The following SHANK2 variants were observed in gnomAD, a reference collection of about 807,000 sequenced individuals.
SHANK2 encodes SH3 and multiple ankyrin repeat domains protein 2.
SHANK2 carries 43 observed loss-of-function variants against 133.7 expected under a neutral mutation model. The ratio of observed to expected loss-of-function variants is 0.32; its 90% CI spans 0.25 to 0.41. The LOEUF (loss-of-function observed/expected upper bound fraction) is 0.41. SHANK2 is among the 10% of genes least tolerant of loss of function. The pLI, the probability that SHANK2 is intolerant of heterozygous loss-of-function variation, is 1.00. For missense variants in SHANK2, 1,994 were observed against 2,235.8 expected, an observed-to-expected ratio of 0.89 and a Z score of 2.18; for synonymous variants, 1,017 against 952.8, an observed-to-expected ratio of 1.07 and a Z score of -1.24.
At chr11:70,489,413 GT>G in intron 23 of SHANK2, 65 bp from the exon 24 acceptor site, 1 of 1,540,184 alleles carries the variant, frequency 6.5e-7, no homozygotes, top group East Asian at 2.2e-5. Context: ...CTTTCCCTGA[GT>G]TTGCTGGTGC....
chr11:71,118,793 A>G, intron 4 of SHANK2, 36 bp downstream of exon 4: 1 of 1,483,058 alleles, frequency 6.7e-7, no homozygotes, highest in South Asian at 1.4e-5. Flanking sequence ...AGGCTGTGAC[A>G]CAACCACAGT....
intron 17 of SHANK2, among the ~76,000 whole-genome samples, chr11:70,567,145 G>A (rs782263752): frequency 2.6e-5 from 4 of 152,306 alleles, no homozygotes; most frequent in Middle Eastern, 3.4e-3. Context: ...ATGGAGAGGT[G>A]TCTGCAGAGC....
At chr11:70,890,470 C>G (rs1353892059) in intron 11 of SHANK2, among the ~76,000 whole-genome samples, 1 of 147,134 alleles carries the variant, frequency 6.8e-6, no homozygotes, top group East Asian at 2.0e-4. Flanking sequence ...GAAACCCTGT[C>G]TCTACTAAAA....
intron 15 of SHANK2, chr11:70,667,773 G>C (rs1037574769): frequency 6.6e-6 from 1 of 152,230 alleles, no homozygotes; most frequent in African/African-American, 2.4e-5. Flanking sequence ...GGGGCTCTGG[G>C]TGGCTCTGTG....
At chr11:71,117,533 C>T (rs1952001191) in intron 4 of SHANK2, among the ~76,000 whole-genome samples, 1 of 152,192 alleles carries the variant, frequency 6.6e-6, no homozygotes, top group African/African-American at 2.4e-5. Context: ...CAGACTATGA[C>T]TCGAGGGTCA....
At chr11:70,846,124 C>A (rs1336769135) in intron 11 of SHANK2, among the ~76,000 whole-genome samples, 1 of 152,088 alleles carries the variant, frequency 6.6e-6, no homozygotes, top group African/African-American at 2.4e-5. Context: ...TGGGACAGCA[C>A]CCCCAGGCAA....
Position 70,613,053 on chromosome 11 carries a change from G to A in SHANK2, c.2061+46775C>T, listed in dbSNP as rs1333464054. 2.0e-5 allele frequency among the ~76,000 whole-genome samples: 3 copies of A among 152,290 alleles called. No individual in the cohort carries two copies. The East Asian group carries it at 5.8e-4, about 29-fold the overall frequency. On this transcript the variant is annotated intron_variant, in intron 17 of 25. Coordinates refer to ENST00000601538, the MANE Select transcript of SHANK2 (RefSeq NM_012309.5). The stretch of plus-strand genomic sequence containing the variant: ...AGAGGTGCTTGGAAACTTCTCGTGT[G>A]TGTCTCCTGGCCCACGTGGGAGAAT...
intron 16 of SHANK2, 114 bp downstream of exon 16, chr11:70,661,482 G>GT: frequency 9.1e-7 from 1 of 1,102,370 alleles, no homozygotes; most frequent in Non-Finnish European, 1.3e-6. Context: ...GCTGGGGAAC[G>GT]TTTTTCATGC....
At chr11:71,152,277 G>A (rs558551516) in intron 2 of SHANK2, among the ~76,000 whole-genome samples, 15 of 152,108 alleles carry the variant, frequency 9.9e-5, no homozygotes, top group African/African-American at 2.7e-4. Context: ...CATGCCTTGC[G>A]AATTTTTTGT....
At chr11:70,608,349 T>G (rs996494066) in intron 17 of SHANK2, among the ~76,000 whole-genome samples, 4 of 152,140 alleles carry the variant, frequency 2.6e-5, no homozygotes, top group South Asian at 2.1e-4. Context: ...AGGAGCTCCC[T>G]AGTTGAACAC....
intron 3 of SHANK2, among the ~76,000 whole-genome samples, chr11:71,127,220 G>T (rs1555102850): frequency 6.6e-6 from 1 of 152,180 alleles, no homozygotes; most frequent in Non-Finnish European, 1.5e-5. Flanking sequence ...TGGATGAGGA[G>T]TTGCCTCTTT....
chr11:70,672,126 C>G (rs992639639), intron 15 of SHANK2, among the ~76,000 whole-genome samples: 2 of 147,362 alleles, frequency 1.4e-5, no homozygotes, highest in Non-Finnish European at 3.0e-5. Context: ...TGCAGTGGCG[C>G]GATCTTGGCT....
intron 11 of SHANK2, among the ~76,000 whole-genome samples, chr11:70,844,257 T>C (rs898551961): frequency 7.2e-5 from 11 of 152,188 alleles, no homozygotes; most frequent in Non-Finnish European, 1.6e-4. Flanking sequence ...GAATGCCCCA[T>C]TTTCCTAATT....
intron 10 of SHANK2, among the ~76,000 whole-genome samples, chr11:70,939,100 T>C (rs1209382561): frequency 6.6e-6 from 1 of 152,146 alleles, no homozygotes; most frequent in African/African-American, 2.4e-5. Flanking sequence ...CCGGGGTGAC[T>C]TTCTTTCTCA....
rs1555158077 is a variant in SHANK2 at position 70,500,247 on chromosome 11, G to T, written c.2308+323C>A. ...CCTGAGGGTCAGGAATGCAGCCAGA[G>T]GCTCTGCTCATCTGCAACCCCCCAT... On this transcript the variant is annotated intron_variant, in intron 21 of 25. Transcript: ENST00000601538. The surrounding 1 kb of genome is among the most constrained non-coding windows in gnomAD (Gnocchi z 4.5). Among the ~76,000 whole-genome samples, 1 of 152,132 alleles carries T rather than the reference G, an allele frequency of 6.6e-6. No homozygotes were observed. Among genetic ancestry groups the T allele is most frequent in the Non-Finnish European group, 1.5e-5 (1 of 68,024 alleles).
At chr11:70,523,642 AC>A in intron 17 of SHANK2, among the ~76,000 whole-genome samples, 1 of 152,038 alleles carries the variant, frequency 6.6e-6, no homozygotes, top group South Asian at 2.1e-4. Context: ...CTTCCCATGT[AC>A]CCTGTGCAGC....
Position 70,954,838 on chromosome 11 carries a change from G to A in SHANK2, c.1108-58271C>T, listed in dbSNP as rs549279518. On this transcript the variant is annotated intron_variant, in intron 10 of 25. Coordinates refer to ENST00000601538, the MANE Select transcript of SHANK2 (RefSeq NM_012309.5). ...TCTATGTGCAGTGTTAAGGGTTAAG[G>A]AAGAACACGGGGTCTGGCATGCAGC... is the stretch of plus-strand genomic sequence containing the variant. 4.6e-5 allele frequency among the ~76,000 whole-genome samples: 7 copies of A among 152,332 alleles called. No homozygotes were observed. The East Asian group carries it at 1.4e-3, about 29-fold the overall frequency.
chr11:70,485,686 C>A lies in SHANK2; in HGVS notation c.4607G>T (p.Gly1536Val), dbSNP rs2135726576. 1 of 1,614,026 alleles carries A rather than the reference C, an allele frequency of 6.2e-7. No individual in the cohort carries two copies. The highest frequency in any genetic ancestry group is 1.3e-5 in the African/African-American group (1 of 75,020). The change falls in exon 25 of 26, where the codon GGG (glycine) becomes GTG (valine). Residue 1536 changes from glycine to valine, a missense_variant. By Grantham distance (109) the Gly-to-Val change is moderately radical. This residue lies in a region of SHANK2 where 797 missense variants were observed against 907.4 expected (regional missense o/e 0.88). Coordinates refer to ENST00000601538, the MANE Select transcript of SHANK2 (RefSeq NM_012309.5). The surrounding 1 kb of genome is among the most constrained non-coding windows in gnomAD (Gnocchi z 5.8). ...GGGTTTGTCAACCATAAATGCTTGC[C>A]CATCTGCATAGACTGTGCAGGTGTC... is the stretch of plus-strand genomic sequence containing the variant. ...NVDTCTVYAD[G>V]QAFMVDKPPV...
At chr11:70,568,646 G>GCCCCCCCCCCCCCCCCCCCCCCCC (rs66982078) in intron 17 of SHANK2, among the ~76,000 whole-genome samples, 4 of 79,966 alleles carry the variant, frequency 5.0e-5, no homozygotes, top group African/African-American at 7.8e-5. Context: ...GCGGATTCCT[G>GCCCCCCCCCCCCCCCCCCCCCCCC]CCCCCCCCGC....
Sources: gnomAD v4.1 joint callset for allele counts (sites outside exome capture counted in the v4.1 genomes callset) on GRCh38, gnomAD v4.1.1 for gene constraint, gnomAD v4.1.1 regional missense constraint, Gnocchi (gnomAD v3.1) non-coding constraint, MANE v1.5 for transcripts, NCBI Gene and HGNC (gene_info 2026-07-23, HGNC 2026-07-21) for gene names.